Variants in SCAP observed in about 807,000 individuals in gnomAD.
The protein encoded by SCAP is SREBF chaperone, also known as sterol regulatory element-binding protein cleavage-activating protein.
Under a neutral mutation model 123.6 loss-of-function variants are expected in SCAP, and 65 were observed. That is an observed-to-expected ratio of 0.53 (90% CI 0.43 to 0.65). The LOEUF (loss-of-function observed/expected upper bound fraction) is 0.65. Ranked by LOEUF, SCAP falls within the 30% of genes least tolerant of loss-of-function variation. The pLI is 0.00. For missense variants in SCAP, 1,398 were observed against 1,712.5 expected (o/e 0.82, Z 3.24); for synonymous variants, 740 against 726.3 (o/e 1.02, Z -0.30).
chr3:47,476,125 A>AGGGCCCGCCGGGTTT (rs1162512496), upstream of SCAP: 2 of 151,970 alleles, frequency 1.3e-5, no homozygotes, highest in Non-Finnish European at 2.9e-5. Context: ...AAGCCGGGTT[A>AGGGCCCGCCGGGTTT]GGGCCCGCCG....
chr3:47,426,093 C>G lies in SCAP; in HGVS notation c.814G>C (p.Val272Leu), dbSNP rs746936099. The change falls in exon 7 of 23, where the codon GTC (valine) becomes CTC (leucine). Residue 272 changes from valine (V) to leucine (L), a missense_variant. Around this residue, in one of 7 missense-constraint regions of SCAP, gnomAD observed 319 missense variants for 432.4 expected, o/e 0.74. Transcript: ENST00000265565. Reference protein sequence around the residue: ...PNCSLRAESLVHVHFKEEIGV... With the variant: ...PNCSLRAESLLHVHFKEEIGV... ...ATCTCCTCCTTGAAGTGCACGTGGA[C>G]CAGGCTCTCCGCCCGAAGGCTGCAG... The G allele has an allele frequency of 2.5e-6, 4 of 1,614,064 alleles. No individual in the cohort carries two copies. The highest frequency in any genetic ancestry group is 3.3e-5 in the Admixed American group (2 of 60,000).
At chr3:47,423,871 G>T in intron 9 of SCAP, 62 bp downstream of exon 9, 1 of 1,177,110 alleles carries the variant, frequency 8.5e-7, no homozygotes, top group Non-Finnish European at 1.3e-6. Context: ...TTAACAGCAA[G>T]AGGAACAGGC....
At chr3:47,429,576 T>TG (rs1184793511) in intron 3 of SCAP, among the ~76,000 whole-genome samples, 8 of 152,220 alleles carry the variant, frequency 5.3e-5, no homozygotes, top group African/African-American at 1.4e-4. Flanking sequence ...CTCGAACTCC[T>TG]GGGCTCAAGT....
intron 1 of SCAP, among the ~76,000 whole-genome samples, chr3:47,472,754 T>C (rs1031778783): frequency 4.6e-5 from 7 of 151,942 alleles, no homozygotes; most frequent in African/African-American, 1.7e-4. Flanking sequence ...CCTACCACCT[T>C]CTTCCACTAC....
intron 1 of SCAP, among the ~76,000 whole-genome samples, chr3:47,465,628 G>T (rs1021892956): frequency 6.6e-6 from 1 of 151,946 alleles, no homozygotes; most frequent in Non-Finnish European, 1.5e-5. Flanking sequence ...AATTAGCCAG[G>T]CACAGTAGTA....
Position 47,427,147 on chromosome 3 carries a change from T to G in SCAP, c.737+10A>C, listed in dbSNP as rs1318217645. On this transcript the variant is annotated intron_variant, in intron 6 of 22. Coordinates refer to ENST00000265565, the MANE Select transcript of SCAP (RefSeq NM_012235.4). ...GACCAGTCAAGAGCCCAGGGTACTG[T>G]CAATCTTACTTGGCATGGTAGTGCT... 1 of 1,598,316 alleles carries G rather than the reference T, an allele frequency of 6.3e-7. No homozygotes were observed. Among genetic ancestry groups the G allele is most frequent in the Admixed American group, 1.7e-5 (1 of 59,966 alleles).
At chr3:47,456,396 C>A (rs1707425570) in intron 1 of SCAP, among the ~76,000 whole-genome samples, 1 of 152,028 alleles carries the variant, frequency 6.6e-6, no homozygotes, top group Non-Finnish European at 1.5e-5. Flanking sequence ...GAATAAGACC[C>A]TGCCTCAACA....
Position 47,420,856 on chromosome 3 carries a change from C to T in SCAP, c.1344+75G>A, listed in dbSNP as rs978826876. 6.3e-6 allele frequency: 10 copies of T among 1,585,696 alleles called. No homozygotes were observed. Among genetic ancestry groups the T allele is most frequent in the Non-Finnish European group, 8.7e-6 (10 of 1,155,476 alleles). Reference sequence around the variant, plus strand: ...ACCGCTGTCCTGCCCGAGGTCTACACCCTTCTCACCCAGGACTCCCTCAGT... The same window carrying T: ...ACCGCTGTCCTGCCCGAGGTCTACATCCTTCTCACCCAGGACTCCCTCAGT... On this transcript the variant is annotated intron_variant, in intron 11 of 22. Transcript: ENST00000265565. The surrounding 1 kb of genome is among the most constrained non-coding windows in gnomAD (Gnocchi z 5.0).
intron 2 of SCAP, 48 bp downstream of exon 2, chr3:47,442,824 T>C: frequency 6.4e-7 from 1 of 1,562,914 alleles, no homozygotes; most frequent in Non-Finnish European, 8.8e-7. Flanking sequence ...GAAAACCTAC[T>C]GTCCTAAGAC....
At position 47,414,862 on chromosome 3, in the gene SCAP, G is replaced by A. The variant is rs769201313; in HGVS notation, c.3271C>T (p.Arg1091Cys). 7 of 1,610,942 alleles carry A rather than the reference G, an allele frequency of 4.3e-6. No individual in the cohort carries two copies. The highest frequency in any genetic ancestry group is 1.7e-5 in the Admixed American group (1 of 59,862). ...TGGTCTTGGCTCCCAGTCACCAAGCGCCCAGCAGCGGCTTTCAGGGCTGTG... is the reference window on the plus strand; with the variant it reads ...TGGTCTTGGCTCCCAGTCACCAAGCACCCAGCAGCGGCTTTCAGGGCTGTG... ...PITALKAAAG[R>C]LVTGSQDHTL... is the part of the protein sequence containing the mutation. The change falls in exon 20 of 23, where the codon CGC becomes TGC. Residue 1091 changes from arginine to cysteine, a missense_variant. Arg to Cys is a radical substitution (Grantham distance 180). Coordinates refer to ENST00000265565, the MANE Select transcript of SCAP (RefSeq NM_012235.4).
At chr3:47,435,187 C>A in intron 2 of SCAP, 50 bp from the exon 3 acceptor site, 1 of 1,563,620 alleles carries the variant, frequency 6.4e-7, no homozygotes, top group South Asian at 1.2e-5. Context: ...AGAGGCAGTC[C>A]TCTCTCAGCA....
At chr3:47,416,108 C>A (rs1358542333) in intron 18 of SCAP, among the ~76,000 whole-genome samples, 2 of 152,198 alleles carry the variant, frequency 1.3e-5, no homozygotes, top group Non-Finnish European at 2.9e-5. Context: ...CGCCCCCTCC[C>A]CAAGGAAAAA....
In SCAP at chr3:47,427,578, T is replaced by C. The variant is rs770206358; in HGVS notation, c.500A>G (p.His167Arg). 23 of 1,614,188 alleles carry C rather than the reference T, an allele frequency of 1.4e-5. No individual in the cohort carries two copies. The highest frequency in any genetic ancestry group is 1.9e-5 in the Non-Finnish European group (22 of 1,180,020). Residue 167 changes from histidine to arginine, a missense_variant, in exon 5 of 23, where the codon CAT (histidine) becomes CGT (arginine). Around this residue, in one of 7 missense-constraint regions of SCAP, gnomAD observed 319 missense variants for 432.4 expected, o/e 0.74. Coordinates refer to ENST00000265565, the MANE Select transcript of SCAP (RefSeq NM_012235.4). ...LRKLRNLLPE[H>R]GCLLLSPGNF... ...CCCAGGGGACAGCAGCAGGCATCCA[T>C]GCTCAGGGAGTAGGTTCCTGAGCTT...
upstream of SCAP, among the ~76,000 whole-genome samples, chr3:47,476,385 C>A (rs185043601): frequency 6.6e-6 from 1 of 152,128 alleles, no homozygotes; most frequent in Admixed American, 6.5e-5. Flanking sequence ...CACCTGAGCC[C>A]GGGAGGTCGA....
intron 18 of SCAP, 66 bp downstream of exon 18, chr3:47,417,056 C>A (rs1246680300): frequency 2.7e-5 from 38 of 1,430,352 alleles, no homozygotes; most frequent in Non-Finnish European, 3.7e-5. Context: ...GAACTCAAGA[C>A]TCAAGAGAGT....
chr3:47,427,933 CA>C (rs1317537216), intron 4 of SCAP, among the ~76,000 whole-genome samples: 1 of 152,170 alleles, frequency 6.6e-6, no homozygotes, highest in Non-Finnish European at 1.5e-5. Context: ...AGAGCATGCA[CA>C]ACCCCACCCA....
chr3:47,460,100 C>A (rs1011915023), intron 1 of SCAP, among the ~76,000 whole-genome samples: 1 of 152,230 alleles, frequency 6.6e-6, no homozygotes, highest in Admixed American at 6.5e-5. Flanking sequence ...CCAGACCCCA[C>A]AGGCAGTCAG....
intron 10 of SCAP, among the ~76,000 whole-genome samples, chr3:47,421,723 A>C (rs2107794468): frequency 6.6e-6 from 1 of 152,396 alleles, no homozygotes; most frequent in South Asian, 2.1e-4. Flanking sequence ...CAGGAGAAGC[A>C]GCCCACAGCC....
chr3:47,444,627 C>A (rs545891614), intron 1 of SCAP, among the ~76,000 whole-genome samples: 4 of 152,056 alleles, frequency 2.6e-5, no homozygotes, highest in Non-Finnish European at 5.9e-5. Context: ...GTGTGCACCA[C>A]CATGCCCTGC....
Sources: gnomAD v4.1 joint callset for allele counts (sites outside exome capture counted in the v4.1 genomes callset) on GRCh38, gnomAD v4.1.1 for gene constraint, gnomAD v4.1.1 regional missense constraint, Gnocchi (gnomAD v3.1) non-coding constraint, MANE v1.5 for transcripts, NCBI Gene and HGNC (gene_info 2026-07-23, HGNC 2026-07-21) for gene names.